Variants in UBE2H observed in about 807,000 individuals in gnomAD.
UBE2H encodes the protein ubiquitin-conjugating enzyme E2 H.
UBE2H carries 3 observed loss-of-function variants against 29.0 expected under a neutral mutation model. The observed-to-expected ratio is 0.10, with a 90% CI of 0.05 to 0.27. The LOEUF is 0.27. Among genes scored for constraint, UBE2H ranks in the 10% least tolerant of loss-of-function variants. The pLI is 1.00. For missense variants in UBE2H, 68 were observed against 228.2 expected, an observed-to-expected ratio of 0.30 and a Z score of 4.52; for synonymous variants, 69 against 82.9, an observed-to-expected ratio of 0.83 and a Z score of 0.91.
intron 3 of UBE2H, among the ~76,000 whole-genome samples, chr7:129,872,845 C>CA (rs34001143): frequency 0.41 from 29,154 of 71,660 alleles, 8,826 homozygotes; most frequent in Non-Finnish European, 0.46. Context: ...CACTCCGTCT[C>CA]AAAAAAAAAA....
intron 1 of UBE2H, among the ~76,000 whole-genome samples, chr7:129,909,961 T>A (rs77398205): frequency 0.063 from 9,506 of 151,928 alleles, 362 homozygotes; most frequent in Non-Finnish European, 0.092. Flanking sequence ...CGAAAAGGGT[T>A]GAAAACAAAT....
rs527920568 is a variant in UBE2H at position 129,866,703 on chromosome 7, A to C, written c.206-7762T>G. Among the ~76,000 whole-genome samples, 64 of 152,312 alleles carry C rather than the reference A, an allele frequency of 4.2e-4. No homozygotes were observed. In the South Asian group the frequency reaches 0.013, roughly 31 times the overall value. On this transcript the variant is annotated intron_variant, in intron 3 of 6. Transcript: ENST00000355621. ...TTGCATATATGTACCAAAATAGCAC[A>C]TGTACCCCAAAAATGTGTGTAACTG...
chr7:129,949,121 G>A (rs937580456), intron 1 of UBE2H: 2 of 441,492 alleles, frequency 4.5e-6, no homozygotes, highest in Admixed American at 2.5e-5. Flanking sequence ...CAGATGAAAG[G>A]ATCACCAGGG....
chr7:129,940,839 C>A (rs79529292), intron 1 of UBE2H, among the ~76,000 whole-genome samples: 9,656 of 152,272 alleles, frequency 0.063, 369 homozygotes, highest in Non-Finnish European at 0.091. Flanking sequence ...AATTCTTCTC[C>A]AATGTGATAC....
At chr7:129,905,438 G>C (rs1286138838) in intron 1 of UBE2H, among the ~76,000 whole-genome samples, 1 of 152,082 alleles carries the variant, frequency 6.6e-6, no homozygotes, top group Non-Finnish European at 1.5e-5. Flanking sequence ...ATAGAGACCA[G>C]AAACACTGGT....
intron 3 of UBE2H, among the ~76,000 whole-genome samples, chr7:129,876,247 C>T (rs1299111422): frequency 2.6e-5 from 4 of 152,116 alleles, no homozygotes; most frequent in Non-Finnish European, 5.9e-5. Flanking sequence ...GCAGAGAAAA[C>T]AATGGGTCAG....
chr7:129,880,860 G>A (rs1806239099), intron 2 of UBE2H, 35 bp downstream of exon 2: 3 of 1,557,880 alleles, frequency 1.9e-6, no homozygotes, highest in South Asian at 2.3e-5. Flanking sequence ...GTAAAAGACT[G>A]TAATAGAAGA....
intron 1 of UBE2H, among the ~76,000 whole-genome samples, chr7:129,925,528 G>A (rs1364950772): frequency 2.0e-5 from 3 of 152,264 alleles, no homozygotes; most frequent in East Asian, 1.9e-4. Context: ...GACACTGTAC[G>A]TGATCCAACC....
intron 3 of UBE2H, among the ~76,000 whole-genome samples, chr7:129,866,164 A>T (rs1386107449): frequency 6.6e-6 from 1 of 152,010 alleles, no homozygotes; most frequent in African/African-American, 2.4e-5. Context: ...CAAGGAGCTC[A>T]CTCTCAATGC....
intron 5 of UBE2H, among the ~76,000 whole-genome samples, chr7:129,843,771 C>T (rs1805467527): frequency 6.6e-6 from 1 of 152,058 alleles, no homozygotes; most frequent in Non-Finnish European, 1.5e-5. Flanking sequence ...CCCGCAGACA[C>T]CTGCACACAG....
intron 5 of UBE2H, among the ~76,000 whole-genome samples, chr7:129,855,633 TAGAG>T (rs923624324): frequency 4.0e-5 from 6 of 151,870 alleles, no homozygotes; most frequent in African/African-American, 1.5e-4. Context: ...TGCGTGTGTA[TAGAG>T]AGAGAGAGAC....
chr7:129,952,263 T>C (rs1222835138), intron 1 of UBE2H, among the ~76,000 whole-genome samples: 1 of 151,884 alleles, frequency 6.6e-6, no homozygotes, highest in Non-Finnish European at 1.5e-5. Context: ...TCACAGGCTC[T>C]GGGGATACAG....
intron 1 of UBE2H, among the ~76,000 whole-genome samples, chr7:129,923,645 A>G (rs528002833): frequency 1.3e-5 from 2 of 152,200 alleles, no homozygotes; most frequent in Admixed American, 6.5e-5. Flanking sequence ...GTTCTAAAAC[A>G]TGGAAGCTTT....
At chr7:129,860,485 A>G (rs1360167910) in intron 3 of UBE2H, among the ~76,000 whole-genome samples, 1 of 152,240 alleles carries the variant, frequency 6.6e-6, no homozygotes, top group Non-Finnish European at 1.5e-5. Context: ...AAATTAGGGT[A>G]AAAAACATTC....
intron 3 of UBE2H, among the ~76,000 whole-genome samples, chr7:129,862,986 T>G (rs1400343594): frequency 2.0e-5 from 3 of 152,208 alleles, no homozygotes; most frequent in African/African-American, 7.2e-5. Flanking sequence ...CAGGGCATTA[T>G]GCTTCAACGA....
intron 1 of UBE2H, among the ~76,000 whole-genome samples, chr7:129,905,801 CT>C (rs1377482940): frequency 5.3e-5 from 8 of 152,108 alleles, no homozygotes; most frequent in Admixed American, 1.3e-4. Flanking sequence ...GGGCCTAAGA[CT>C]TACAGAGAGG....
intron 3 of UBE2H, among the ~76,000 whole-genome samples, chr7:129,875,684 A>AT (rs911686362): frequency 1.7e-4 from 25 of 151,446 alleles, no homozygotes; most frequent in Middle Eastern, 3.4e-3. Context: ...TCCTCTGCTT[A>AT]TTTTTTTTTA....
At chr7:129,916,744 A>G (rs1807051538) in intron 1 of UBE2H, among the ~76,000 whole-genome samples, 1 of 152,112 alleles carries the variant, frequency 6.6e-6, no homozygotes, top group Admixed American at 6.6e-5. Context: ...CCACCTGCAA[A>G]AGTTCCATTT....
In UBE2H at chr7:129,885,818, A is replaced by C. The variant is rs531996134; in HGVS notation, c.54-4847T>G. Among the ~76,000 whole-genome samples, 6 of 152,328 alleles carry C rather than the reference A, an allele frequency of 3.9e-5. No individual in the cohort carries two copies. In the South Asian group the frequency reaches 1.0e-3, roughly 26 times the overall value. Reference sequence around the variant, plus strand: ...ATTTAGGTTTAGTCCAAAGAAAAACACTGCATTAAAAATAAGCCATTCCAT... The same window carrying C: ...ATTTAGGTTTAGTCCAAAGAAAAACCCTGCATTAAAAATAAGCCATTCCAT... On this transcript the variant is annotated intron_variant, in intron 1 of 6. Transcript: ENST00000355621.
Sources: gnomAD v4.1 joint callset for allele counts (sites outside exome capture counted in the v4.1 genomes callset) on GRCh38, gnomAD v4.1.1 for gene constraint, MANE v1.5 for transcripts, NCBI Gene and HGNC (gene_info 2026-07-23, HGNC 2026-07-21) for gene names.